Variants in WNT2 observed in about 807,000 individuals in gnomAD.
The protein encoded by WNT2 is Wnt family member 2, also known as protein Wnt-2.
In WNT2, 12 loss-of-function variants were observed where a neutral mutation model predicts 36.9. That is an observed-to-expected ratio of 0.33 (90% CI 0.21 to 0.53). The LOEUF (loss-of-function observed/expected upper bound fraction) is 0.53, where lower values mean the gene tolerates loss of function less well. Among genes scored for constraint, WNT2 ranks in the 20% least tolerant of loss-of-function variants. The pLI is 0.95. For missense variants in WNT2, 379 were observed against 473.1 expected (o/e 0.80, Z 1.84); for synonymous variants, 163 against 174.6 (o/e 0.93, Z 0.52).
chr7:117,293,618 T>C (rs1794732367), intron 4 of WNT2, among the ~76,000 whole-genome samples: 1 of 152,176 alleles, frequency 6.6e-6, no homozygotes, highest in African/African-American at 2.4e-5. Flanking sequence ...TGATTTAAAT[T>C]TGACTGCAAA....
At chr7:117,294,966 C>T (rs1424297607) in intron 4 of WNT2, among the ~76,000 whole-genome samples, 1 of 152,194 alleles carries the variant, frequency 6.6e-6, no homozygotes, top group African/African-American at 2.4e-5. Context: ...TGACACATGC[C>T]TGTAATCACA....
intron 3 of WNT2, among the ~76,000 whole-genome samples, chr7:117,308,795 AGT>A (rs1795065071): frequency 1.3e-5 from 2 of 152,072 alleles, no homozygotes; most frequent in South Asian, 4.1e-4. Context: ...ACTTTCTAAG[AGT>A]GTGATTTCTT....
chr7:117,312,099 G>A (rs1313250297), intron 3 of WNT2, among the ~76,000 whole-genome samples: 1 of 152,158 alleles, frequency 6.6e-6, no homozygotes, highest in Non-Finnish European at 1.5e-5. Flanking sequence ...ATTTAAAGAA[G>A]TTGTGATTAT....
In WNT2 at chr7:117,290,348, A is replaced by G. The variant is rs558982150; in HGVS notation, c.853+7264T>C. 3.3e-5 allele frequency among the ~76,000 whole-genome samples: 5 copies of G among 152,322 alleles called. No individual in the cohort carries two copies. The East Asian group carries it at 5.8e-4, about 18-fold the overall frequency. ...GCAGAGGAGTGTAGTTATAAAGTCAAGGAAATAAGACTGTTTTGGGAAGGA... is the reference window on the plus strand; with the variant it reads ...GCAGAGGAGTGTAGTTATAAAGTCAGGGAAATAAGACTGTTTTGGGAAGGA... On this transcript the variant is annotated intron_variant, in intron 4 of 4. Transcript: ENST00000265441.
At chr7:117,290,901 G>GT (rs1794677754) in intron 4 of WNT2, among the ~76,000 whole-genome samples, 1 of 152,206 alleles carries the variant, frequency 6.6e-6, no homozygotes, top group African/African-American at 2.4e-5. Flanking sequence ...AGGGACTTAA[G>GT]GTGTACAGGT....
At chr7:117,287,381 G>T (rs1364296449) in intron 4 of WNT2, among the ~76,000 whole-genome samples, 1 of 152,070 alleles carries the variant, frequency 6.6e-6, no homozygotes, top group East Asian at 1.9e-4. Context: ...CTCATCTGCT[G>T]CATTGGCCTT....
Position 117,322,764 on chromosome 7 carries a change from G to T in WNT2, c.83+143C>A. On this transcript the variant is annotated intron_variant, in intron 1 of 4. Coordinates refer to ENST00000265441, the MANE Select transcript of WNT2 (RefSeq NM_003391.3). This position sits in a 1 kb window ranked among gnomAD's most constrained non-coding sequence, Gnocchi z 5.4. ...AAAGAGAAGGGGCTCACCATGGGGC[G>T]ATAAGAGGGCAGTAGCCAGGGTTCG... The T allele has an allele frequency of 1.3e-6, 1 of 765,934 alleles. No homozygotes were observed. 47.4% of individuals were successfully genotyped at this position (765,934 alleles called of 1,614,324 possible).
intron 4 of WNT2, among the ~76,000 whole-genome samples, chr7:117,283,306 A>C (rs1794521136): frequency 6.6e-6 from 1 of 152,146 alleles, no homozygotes; most frequent in South Asian, 2.1e-4. Flanking sequence ...CTTAATTTTT[A>C]CTTTTTTGTT....
Position 117,322,933 on chromosome 7 carries a change from G to T in WNT2, c.57C>A (p.Leu19=). ...ACCATGAAGAGTTGACCTCGGGGGT[G>T]AGCCAGGTCAAGAGCAGAGGGAGCC... ...WLWLPLLLTW[L]TPEVNSSWWY... is the part of the protein sequence containing the mutation. Residue 19 remains leucine (L), a synonymous_variant, in exon 1 of 5, where the codon CTC becomes CTA. Coordinates refer to ENST00000265441, the MANE Select transcript of WNT2 (RefSeq NM_003391.3). This position sits in a 1 kb window ranked among gnomAD's most constrained non-coding sequence, Gnocchi z 5.4. 1 of 1,613,814 alleles carries T rather than the reference G, an allele frequency of 6.2e-7. No homozygotes were observed. The highest frequency in any genetic ancestry group is 1.3e-5 in the African/African-American group (1 of 75,004).
chr7:117,283,526 T>C (rs1303577735), intron 4 of WNT2, among the ~76,000 whole-genome samples: 1 of 152,234 alleles, frequency 6.6e-6, no homozygotes, highest in Admixed American at 6.5e-5. Context: ...CTTTCTTTCC[T>C]GAGTGGCTTC....
At chr7:117,313,904 A>G (rs927568071) in intron 3 of WNT2, among the ~76,000 whole-genome samples, 9 of 152,210 alleles carry the variant, frequency 5.9e-5, no homozygotes, top group African/African-American at 2.2e-4. Flanking sequence ...AGTTCAGGTC[A>G]CACTCATGTT....
chr7:117,292,234 T>A (rs377358111), intron 4 of WNT2, among the ~76,000 whole-genome samples: 1 of 152,058 alleles, frequency 6.6e-6, no homozygotes, highest in Non-Finnish European at 1.5e-5. Context: ...CCTCACCCCA[T>A]AAAGTTCCCA....
Position 117,278,016 on chromosome 7 carries a change from A to T in WNT2, c.*139T>A, listed in dbSNP as rs868542917. On this transcript the variant is annotated 3_prime_UTR_variant, in exon 5 of 5. Coordinates refer to ENST00000265441, the MANE Select transcript of WNT2 (RefSeq NM_003391.3). ...CCCCCCCATCCTGGGGCCCCCAGGG[A>T]GGAAGAGGGGGCTTCCGTTGAGATA... 4 of 945,602 alleles carry T rather than the reference A, an allele frequency of 4.2e-6. No homozygotes were observed. The highest frequency in any genetic ancestry group is 1.7e-5 in the South Asian group (1 of 59,204). 58.6% of individuals were successfully genotyped at this position (945,602 alleles called of 1,614,324 possible).
intron 3 of WNT2, among the ~76,000 whole-genome samples, chr7:117,308,002 A>G (rs755612467): frequency 1.3e-5 from 2 of 152,224 alleles, no homozygotes; most frequent in African/African-American, 2.4e-5. Context: ...CTGGTTCTAT[A>G]TCAGTTTTCC....
At chr7:117,298,017 G>C in intron 3 of WNT2, 141 bp from the exon 4 acceptor site, 1 of 1,226,088 alleles carries the variant, frequency 8.2e-7, no homozygotes. Flanking sequence ...TTGAAGCATT[G>C]CTTGTCACTT....
At chr7:117,307,298 T>G (rs1795032784) in intron 3 of WNT2, among the ~76,000 whole-genome samples, 1 of 152,202 alleles carries the variant, frequency 6.6e-6, no homozygotes, top group Non-Finnish European at 1.5e-5. Flanking sequence ...ACTATTTTAT[T>G]TAGTCCACAC....
At chr7:117,303,700 A>G (rs1794957776) in intron 3 of WNT2, among the ~76,000 whole-genome samples, 1 of 152,240 alleles carries the variant, frequency 6.6e-6, no homozygotes, top group South Asian at 2.1e-4. Context: ...TTTAAAAACA[A>G]TAAACATCTA....
intron 3 of WNT2, among the ~76,000 whole-genome samples, chr7:117,304,004 C>A (rs987251800): frequency 2.0e-5 from 3 of 152,218 alleles, no homozygotes; most frequent in Non-Finnish European, 4.4e-5. Flanking sequence ...CCCTGCTAGC[C>A]TGGACACGCT....
intron 3 of WNT2, among the ~76,000 whole-genome samples, chr7:117,306,971 C>T (rs1304396691): frequency 6.6e-6 from 1 of 151,956 alleles, no homozygotes. Context: ...TTATGTGGCC[C>T]TTCATTTTTT....
Sources: allele counts gnomAD v4.1 joint callset (sites outside exome capture counted in the v4.1 genomes callset), GRCh38; gene constraint gnomAD v4.1.1; non-coding constraint Gnocchi (gnomAD v3.1); transcripts MANE v1.5; gene names NCBI Gene and HGNC (gene_info 2026-07-23, HGNC 2026-07-21).